The following SCFD2 variants were observed in gnomAD, a reference collection of about 807,000 sequenced individuals.
SCFD2 encodes the protein sec1 family domain-containing protein 2.
SCFD2 carries 54 observed loss-of-function variants against 58.9 expected under a neutral mutation model. The observed-to-expected ratio is 0.92, with a 90% CI of 0.74 to 1.15. SCFD2 has a LOEUF of 1.15. Ranked by LOEUF, SCFD2 falls within the 50% of genes most tolerant of loss-of-function variation. The pLI is 0.00. For missense variants in SCFD2, 805 were observed against 836.6 expected, an observed-to-expected ratio of 0.96 and a Z score of 0.47; for synonymous variants, 321 against 335.9, an observed-to-expected ratio of 0.96 and a Z score of 0.49.
Position 53,012,478 on chromosome 4 carries a change from C to T in SCFD2, c.1562-91608G>A, listed in dbSNP as rs1215912853. Among the ~76,000 whole-genome samples, 3 of 151,976 alleles carry T rather than the reference C, an allele frequency of 2.0e-5. No individual in the cohort carries two copies. In the East Asian group the frequency reaches 5.8e-4, roughly 29 times the overall value. ...GTCCTCTGTGAAGTGCCCATAATTC[C>T]AGAAGAACCCAGGGCTGGCTATTTG... On this transcript the variant is annotated intron_variant, in intron 5 of 8. Coordinates refer to ENST00000401642, the MANE Select transcript of SCFD2 (RefSeq NM_152540.4).
intron 3 of SCFD2, among the ~76,000 whole-genome samples, chr4:53,289,016 G>T (rs952752780): frequency 3.3e-5 from 5 of 152,184 alleles, no homozygotes; most frequent in East Asian, 1.9e-4. Flanking sequence ...GGGGGATAGG[G>T]AGTAAAAGTC....
chr4:53,355,682 T>G (rs1482082829), intron 1 of SCFD2, among the ~76,000 whole-genome samples: 1 of 152,210 alleles, frequency 6.6e-6, no homozygotes, highest in East Asian at 1.9e-4. Flanking sequence ...TATTTTAACC[T>G]ACAAAGCATT....
In SCFD2 at chr4:52,921,770, C is replaced by A. The variant is rs184953891; in HGVS notation, c.1562-900G>T. Among the ~76,000 whole-genome samples the A allele has an allele frequency of 4.6e-5, 7 of 152,240 alleles. No individual in the cohort carries two copies. The East Asian group carries it at 9.7e-4, about 21-fold the overall frequency. ...TTCCGACTGCTTCCTACCTCAGTAC[C>A]TGCATGTCAGGCAGTTAGTCTGTCT... On this transcript the variant is annotated intron_variant, in intron 5 of 8. Coordinates refer to ENST00000401642, the MANE Select transcript of SCFD2 (RefSeq NM_152540.4).
chr4:53,237,907 T>C (rs1156770069), intron 4 of SCFD2, among the ~76,000 whole-genome samples: 3 of 74,698 alleles, frequency 4.0e-5, no homozygotes, highest in African/African-American at 1.1e-4. Context: ...GGCGGGGGGC[T>C]GACCCCCCCA....
chr4:53,326,390 G>T (rs1169377777), intron 2 of SCFD2, among the ~76,000 whole-genome samples: 1 of 152,120 alleles, frequency 6.6e-6, no homozygotes. Flanking sequence ...TGATCCACCT[G>T]CCTCAGCCTC....
At chr4:53,260,073 A>G (rs1730784612) in intron 4 of SCFD2, among the ~76,000 whole-genome samples, 1 of 151,438 alleles carries the variant, frequency 6.6e-6, no homozygotes, top group African/African-American at 2.4e-5. Context: ...TGTGTGCATT[A>G]ATTTCATATC....
chr4:53,068,453 A>AT (rs1382288514), intron 5 of SCFD2, among the ~76,000 whole-genome samples: 1 of 152,128 alleles, frequency 6.6e-6, no homozygotes, highest in African/African-American at 2.4e-5. Context: ...GAGAGGGAGA[A>AT]TAAGATAGAG....
rs888962601 is a variant in SCFD2 at position 53,157,069 on chromosome 4, G to T, written c.1312-11487C>A. Among the ~76,000 whole-genome samples the T allele has an allele frequency of 5.9e-5, 9 of 152,134 alleles. 1 individual carries two copies. The highest frequency in any genetic ancestry group is 5.9e-4 in the Admixed American group (9 of 15,262). The stretch of plus-strand genomic sequence containing the variant: ...AAATTCTGGCAAAAATTGGAATTCT[G>T]GAAAACTTATATATGCCATTGCCAG... On this transcript the variant is annotated intron_variant, in intron 4 of 8. Transcript: ENST00000401642.
At chr4:52,956,110 TG>T (rs752587321) in intron 5 of SCFD2, 1 of 456,638 alleles carries the variant, frequency 2.2e-6, no homozygotes, top group South Asian at 1.5e-5. Context: ...CAAGGAGCCT[TG>T]GAATGAATTT....
intron 2 of SCFD2, among the ~76,000 whole-genome samples, chr4:53,342,209 AC>A (rs748323678): frequency 6.6e-6 from 1 of 152,166 alleles, no homozygotes; most frequent in Non-Finnish European, 1.5e-5. Flanking sequence ...TATTCACGAG[AC>A]CCAACTCACG....
chr4:53,035,182 C>G (rs1722723559), intron 5 of SCFD2, among the ~76,000 whole-genome samples: 1 of 152,122 alleles, frequency 6.6e-6, no homozygotes, highest in Non-Finnish European at 1.5e-5. Flanking sequence ...CATCTACAAC[C>G]ATCTGATCTT....
chr4:52,988,316 C>T (rs1487839081), intron 5 of SCFD2, among the ~76,000 whole-genome samples: 1 of 152,190 alleles, frequency 6.6e-6, no homozygotes, highest in Non-Finnish European at 1.5e-5. Context: ...TGGCCTCACC[C>T]AAATATTCAT....
chr4:53,287,617 T>A (rs1731710536), intron 3 of SCFD2, among the ~76,000 whole-genome samples: 1 of 152,064 alleles, frequency 6.6e-6, no homozygotes, highest in Non-Finnish European at 1.5e-5. Flanking sequence ...ACTCTATAAA[T>A]TGGGAAGAGA....
At chr4:52,961,898 T>C (rs1305317713) in intron 5 of SCFD2, among the ~76,000 whole-genome samples, 1 of 152,170 alleles carries the variant, frequency 6.6e-6, no homozygotes, top group East Asian at 1.9e-4. Flanking sequence ...ATAGACAGTC[T>C]GAAGGCAATA....
chr4:53,245,707 TAGTA>T (rs1479551417), intron 4 of SCFD2, among the ~76,000 whole-genome samples: 1 of 151,982 alleles, frequency 6.6e-6, no homozygotes, highest in African/African-American at 2.4e-5. Context: ...TACATCAAAA[TAGTA>T]AGGACCATCT....
chr4:52,939,681 T>C (rs1720239926), intron 5 of SCFD2, among the ~76,000 whole-genome samples: 1 of 146,796 alleles, frequency 6.8e-6, no homozygotes, highest in Non-Finnish European at 1.5e-5. Flanking sequence ...TTGACTAGGG[T>C]AAGGATGGGT....
At chr4:53,014,444 T>C (rs981220646) in intron 5 of SCFD2, among the ~76,000 whole-genome samples, 2 of 152,232 alleles carry the variant, frequency 1.3e-5, no homozygotes, top group African/African-American at 4.8e-5. Context: ...TATGTAACAT[T>C]TATTTGTACA....
At chr4:53,294,910 G>A (rs1474609322) in intron 3 of SCFD2, among the ~76,000 whole-genome samples, 1 of 152,152 alleles carries the variant, frequency 6.6e-6, no homozygotes, top group Admixed American at 6.5e-5. Context: ...TTTCCCCATT[G>A]CTTGTTTTTG....
intron 5 of SCFD2, among the ~76,000 whole-genome samples, chr4:52,940,441 T>A (rs1720263419): frequency 2.0e-5 from 3 of 152,182 alleles, no homozygotes; most frequent in Admixed American, 6.5e-5. Context: ...CCATGTGAAC[T>A]AGAGAGACAA....
Sources: gnomAD v4.1 joint callset for allele counts (sites outside exome capture counted in the v4.1 genomes callset) on GRCh38, gnomAD v4.1.1 for gene constraint, MANE v1.5 for transcripts, NCBI Gene and HGNC (gene_info 2026-07-23, HGNC 2026-07-21) for gene names.